Variants in TMED3 observed in about 807,000 individuals in gnomAD.
TMED3 encodes the protein transmembrane p24 trafficking protein 3.
TMED3 carries 9 observed loss-of-function variants against 15.0 expected under a neutral mutation model. The observed-to-expected ratio is 0.60, with a 90% CI of 0.36 to 1.04. The LOEUF (loss-of-function observed/expected upper bound fraction) is 1.04, where lower values mean the gene tolerates loss of function less well. Among genes scored for constraint, TMED3 ranks in the 50% least tolerant of loss-of-function variants. The pLI, the probability that TMED3 is intolerant of heterozygous loss-of-function variation, is 0.01. For synonymous variants in TMED3, 117 were observed against 121.4 expected, an observed-to-expected ratio of 0.96 and a Z score of 0.24; for missense variants, 267 against 278.9, an observed-to-expected ratio of 0.96 and a Z score of 0.30.
rs557733245 is a variant in TMED3 at position 79,328,667 on chromosome 15, G to T, written c.417+14662G>T. ...CCATGTCACCTTCAGGTAGTGACCTGGCAAGGTGACCATCCTCCACATCAA... is the reference window on the plus strand; with the variant it reads ...CCATGTCACCTTCAGGTAGTGACCTTGCAAGGTGACCATCCTCCACATCAA... On this transcript the variant is annotated intron_variant, in intron 2 of 2. Transcript: ENST00000424155. Among the ~76,000 whole-genome samples the T allele has an allele frequency of 1.6e-3, 238 of 152,274 alleles. 2 individuals carry two copies. Among genetic ancestry groups the T allele is most frequent in the African/African-American group, 5.6e-3 (234 of 41,558 alleles).
intron 2 of TMED3, among the ~76,000 whole-genome samples, chr15:79,377,400 C>T (rs1029626721): frequency 6.6e-6 from 1 of 151,846 alleles, no homozygotes; most frequent in African/African-American, 2.4e-5. Flanking sequence ...TTTACAGTCT[C>T]TAATACAGTG....
chr15:79,334,298 G>C (rs926083548), intron 2 of TMED3, among the ~76,000 whole-genome samples: 5 of 152,316 alleles, frequency 3.3e-5, no homozygotes, highest in Admixed American at 2.6e-4. Context: ...GAGAGGACTA[G>C]AACAGTCCTA....
chr15:79,398,996 C>T (rs528354606), intron 2 of TMED3, among the ~76,000 whole-genome samples: 5 of 152,222 alleles, frequency 3.3e-5, no homozygotes, highest in African/African-American at 7.2e-5. Flanking sequence ...CTGCAACCTC[C>T]GCCTCCAGGG....
chr15:79,318,781 A>T (rs929580595), intron 2 of TMED3, among the ~76,000 whole-genome samples: 10 of 152,262 alleles, frequency 6.6e-5, no homozygotes, highest in Non-Finnish European at 1.3e-4. Context: ...AGCTAGGAGG[A>T]GCAACCACAA....
At chr15:79,384,304 G>A (rs1893591583) in intron 2 of TMED3, 1 of 152,248 alleles carries the variant, frequency 6.6e-6, no homozygotes, top group Non-Finnish European at 1.5e-5. Context: ...TAGTTTTCTT[G>A]GAAGAGGTAA....
intron 2 of TMED3, among the ~76,000 whole-genome samples, chr15:79,345,779 G>A (rs992127877): frequency 6.6e-6 from 1 of 152,100 alleles, no homozygotes; most frequent in Admixed American, 6.6e-5. Flanking sequence ...CAGTGTATAA[G>A]CATTCCTTTT....
chr15:79,377,665 T>G (rs1333872505), intron 2 of TMED3, among the ~76,000 whole-genome samples: 1 of 139,240 alleles, frequency 7.2e-6, no homozygotes, highest in Non-Finnish European at 1.5e-5. Context: ...TTTTTTTTTT[T>G]GAGACGGAGT....
intron 2 of TMED3, among the ~76,000 whole-genome samples, chr15:79,337,464 A>G (rs1333882694): frequency 6.6e-6 from 1 of 152,210 alleles, no homozygotes; most frequent in Non-Finnish European, 1.5e-5. Flanking sequence ...AAATAGAATA[A>G]TTTGGGAGAA....
intron 2 of TMED3, among the ~76,000 whole-genome samples, chr15:79,404,469 G>A (rs540754848): frequency 8.5e-5 from 13 of 152,202 alleles, no homozygotes; most frequent in Non-Finnish European, 1.6e-4. Flanking sequence ...CCCAAGCACC[G>A]AAATATCTAG....
downstream of TMED3, among the ~76,000 whole-genome samples, chr15:79,326,172 C>A (rs2058786765): frequency 1.3e-5 from 2 of 152,130 alleles, no homozygotes. Context: ...AAAGAACAGA[C>A]ACATTTATAC....
chr15:79,382,898 C>T (rs778427498), intron 2 of TMED3: 23 of 1,422,932 alleles, frequency 1.6e-5, no homozygotes, highest in Non-Finnish European at 2.2e-5. Flanking sequence ...CTTACCAACA[C>T]AATATAGTCT....
chr15:79,341,195 C>CAAAAAAA (rs58885572), intron 2 of TMED3, among the ~76,000 whole-genome samples: 1 of 58,334 alleles, frequency 1.7e-5, no homozygotes, highest in African/African-American at 7.5e-5. Context: ...GACCCTGTCT[C>CAAAAAAA]AAAAAAAAAA....
At chr15:79,410,651 A>G (rs1463108637) in intron 2 of TMED3, among the ~76,000 whole-genome samples, 1 of 152,054 alleles carries the variant, frequency 6.6e-6, no homozygotes, top group Non-Finnish European at 1.5e-5. Context: ...AAATTGTGGA[A>G]AAAAATAAGA....
intron 2 of TMED3, among the ~76,000 whole-genome samples, chr15:79,332,450 A>G (rs2058812818): frequency 1.3e-5 from 2 of 152,204 alleles, no homozygotes; most frequent in African/African-American, 2.4e-5. Flanking sequence ...GTAGAGGGCA[A>G]TTGGGGCACA....
chr15:79,376,637 G>A (rs115247841), intron 2 of TMED3, among the ~76,000 whole-genome samples: 2,840 of 152,208 alleles, frequency 0.019, 92 homozygotes, highest in African/African-American at 0.065. Context: ...CCTTTGTTCT[G>A]GAACCTAGGC....
At chr15:79,355,986 A>T (rs2058917308) in intron 2 of TMED3, among the ~76,000 whole-genome samples, 1 of 152,242 alleles carries the variant, frequency 6.6e-6, no homozygotes, top group Non-Finnish European at 1.5e-5. Flanking sequence ...ATTATAAACT[A>T]AATGTCAGAG....
At position 79,322,764 on chromosome 15, in the gene TMED3, C is replaced by T; in HGVS notation, c.*550C>T. ...GCAGGACAGAATGGTGACTGGGTGC[C>T]CTTGGTGAGCTGTGTATTTCCTAGG... On this transcript the variant is annotated 3_prime_UTR_variant, in exon 3 of 3. Transcript: ENST00000299705. 1.0e-6 allele frequency: 1 copy of T among 985,346 alleles called. No individual in the cohort carries two copies. The highest frequency in any genetic ancestry group is 1.2e-6 in the Non-Finnish European group (1 of 830,010). The allele number at this position is 985,346 out of a possible 1,614,324, so 61.0% of individuals were successfully genotyped here.
At chr15:79,314,473 C>A in intron 2 of TMED3, 3 of 444,192 alleles carry the variant, frequency 6.8e-6, no homozygotes, top group South Asian at 4.7e-5. Context: ...TGGTGGGGAG[C>A]TTTCCTCCAT....
intron 2 of TMED3, among the ~76,000 whole-genome samples, chr15:79,401,271 A>G (rs971945377): frequency 2.8e-4 from 42 of 152,068 alleles, no homozygotes; most frequent in Admixed American, 1.2e-3. Context: ...TAATGGCATA[A>G]TGCCCAGGAC....
Sources: allele counts gnomAD v4.1 joint callset (sites outside exome capture counted in the v4.1 genomes callset), GRCh38; gene constraint gnomAD v4.1.1; transcripts MANE v1.5; gene names NCBI Gene and HGNC (gene_info 2026-07-23, HGNC 2026-07-21).